NR1D2: variants seen among roughly 807,000 people sequenced by gnomAD.
NR1D2 encodes the protein nuclear receptor subfamily 1 group D member 2.
NR1D2 carries 25 observed loss-of-function variants against 52.2 expected under a neutral mutation model. The observed-to-expected ratio is 0.48, with a 90% CI of 0.35 to 0.67. The LOEUF is 0.67. Ranked by LOEUF, NR1D2 falls within the 30% of genes least tolerant of loss-of-function variation. NR1D2 has a pLI of 0.01. For missense variants in NR1D2, 681 were observed against 707.2 expected, an observed-to-expected ratio of 0.96 and a Z score of 0.42; for synonymous variants, 259 against 230.1, an observed-to-expected ratio of 1.13 and a Z score of -1.14.
intron 3 of NR1D2, among the ~76,000 whole-genome samples, chr3:23,956,483 T>G (rs1276242193): frequency 7.2e-5 from 11 of 152,222 alleles, no homozygotes; most frequent in Non-Finnish European, 5.9e-5. Context: ...TACTTCTGCC[T>G]TGTGGGAACT....
At chr3:23,952,548 A>T (rs1404741140) in intron 1 of NR1D2, among the ~76,000 whole-genome samples, 1 of 146,100 alleles carries the variant, frequency 6.8e-6, no homozygotes, top group Non-Finnish European at 1.5e-5. Context: ...TGTCTCTACT[A>T]AAAAAAAAAC....
intron 1 of NR1D2, among the ~76,000 whole-genome samples, chr3:23,954,251 A>G (rs923252579): frequency 1.1e-4 from 17 of 152,260 alleles, no homozygotes; most frequent in Admixed American, 7.2e-4. Context: ...TCAAGCGACA[A>G]TCCTCCCACC....
intron 1 of NR1D2, among the ~76,000 whole-genome samples, chr3:23,946,745 G>T (rs1008362235): frequency 6.6e-6 from 1 of 152,148 alleles, no homozygotes; most frequent in Non-Finnish European, 1.5e-5. Flanking sequence ...GACTTTTCCT[G>T]AATCTGATCA....
At chr3:23,960,947 C>G (rs574820807) in intron 4 of NR1D2, among the ~76,000 whole-genome samples, 1 of 152,134 alleles carries the variant, frequency 6.6e-6, no homozygotes. Flanking sequence ...TTTTCTTTCT[C>G]TCATGGATAG....
intron 4 of NR1D2, among the ~76,000 whole-genome samples, chr3:23,961,184 A>C (rs986345802): frequency 5.3e-5 from 8 of 152,058 alleles, no homozygotes; most frequent in African/African-American, 1.9e-4. Context: ...GCAAAGTTAC[A>C]AAAATGAATT....
Position 23,952,333 on chromosome 3 carries a change from A to G in NR1D2, c.17-2204A>G, listed in dbSNP as rs112070876. ...TCGAGTCCAGGCATAGGCTTCATGA[A>G]TAAAACAGTGGATGGAATTGTCTAC... On this transcript the variant is annotated intron_variant, in intron 1 of 7. Coordinates refer to ENST00000312521, the MANE Select transcript of NR1D2 (RefSeq NM_005126.5). 4.0e-3 allele frequency among the ~76,000 whole-genome samples: 615 copies of G among 152,346 alleles called. 4 individuals carry two copies. Among genetic ancestry groups the G allele is most frequent in the African/African-American group, 0.014 (586 of 41,568 alleles).
chr3:23,964,082 C>CT lies in NR1D2; in HGVS notation c.1147-882dup, dbSNP rs546330405. 1.7e-3 allele frequency among the ~76,000 whole-genome samples: 238 copies of CT among 139,700 alleles called. 1 individual carries two copies. The highest frequency in any genetic ancestry group is 0.016 in the South Asian group (70 of 4,350). 91.6% of individuals were successfully genotyped at this position (139,700 alleles called of 152,430 possible). A position where few individuals can be genotyped will look rare whatever the true frequency, so the allele number is the denominator to read the frequency against. The stretch of plus-strand genomic sequence containing the variant: ...AATAAATGGGCAGTGACTTTTTTTT[C>CT]TTTTTTTTTTTTTCGAGACGGAGTC... On this transcript the variant is annotated intron_variant, in intron 5 of 7. Coordinates refer to ENST00000312521, the MANE Select transcript of NR1D2 (RefSeq NM_005126.5).
At chr3:23,967,263 C>T (rs1706471831) in intron 6 of NR1D2, among the ~76,000 whole-genome samples, 1 of 151,886 alleles carries the variant, frequency 6.6e-6, no homozygotes, top group African/African-American at 2.4e-5. Flanking sequence ...GCAGAGGTTG[C>T]AGTGAGCTGA....
Position 23,954,788 on chromosome 3 carries a change from C to A in NR1D2, c.268C>A (p.His90Asn). Residue 90 changes from histidine (H) to asparagine (N), a missense_variant, in exon 2 of 8, where the codon CAT becomes AAT. Physicochemically the swap from His to Asn is moderately conservative, Grantham distance 68. Transcript: ENST00000312521. ...GAGTGCACCTGGGATGACAAAAAGT[C>A]ATAGTGGTGTGACAAGTAAGTTACT... ...KSSAPGMTKS[H>N]SGVTKFSGMV... 1.2e-6 allele frequency: 2 copies of A among 1,613,664 alleles called. No individual in the cohort carries two copies. The highest frequency in any genetic ancestry group is 1.1e-5 in the South Asian group (1 of 91,038).
chr3:23,955,035 G>T (rs1413396528), intron 2 of NR1D2, among the ~76,000 whole-genome samples: 2 of 152,224 alleles, frequency 1.3e-5, no homozygotes, highest in Admixed American at 6.5e-5. Context: ...TACTCTGCCT[G>T]ACCCTGGTCC....
chr3:23,961,888 C>A, intron 4 of NR1D2, 89 bp from the exon 5 acceptor site: 2 of 1,201,626 alleles, frequency 1.7e-6, no homozygotes, highest in Non-Finnish European at 2.3e-6. Flanking sequence ...TGACTAGAGG[C>A]CATAACTGTT....
At chr3:23,957,840 C>T (rs1308372287) in intron 3 of NR1D2, among the ~76,000 whole-genome samples, 1 of 152,126 alleles carries the variant, frequency 6.6e-6, no homozygotes, top group Non-Finnish European at 1.5e-5. Flanking sequence ...CACATCTGTG[C>T]AGTACTCTTA....
intron 6 of NR1D2, among the ~76,000 whole-genome samples, chr3:23,965,414 G>GTT (rs199916460): frequency 3.2e-4 from 42 of 132,912 alleles, no homozygotes; most frequent in South Asian, 7.3e-4. Flanking sequence ...AATTTTTTTT[G>GTT]TTTTTTTTTT....
intron 5 of NR1D2, 84 bp downstream of exon 5, chr3:23,962,689 G>T (rs756460893): frequency 3.0e-6 from 4 of 1,314,038 alleles, no homozygotes; most frequent in African/African-American, 1.5e-5. Context: ...TGCTAACTTG[G>T]GGGGATGGTG....
At chr3:23,957,234 C>T (rs866947292) in intron 3 of NR1D2, among the ~76,000 whole-genome samples, 13 of 151,730 alleles carry the variant, frequency 8.6e-5, no homozygotes, top group East Asian at 3.9e-4. Flanking sequence ...CTGCCCGCCT[C>T]GGCTTCGCAA....
intron 7 of NR1D2, among the ~76,000 whole-genome samples, chr3:23,971,928 T>TA (rs1706601361): frequency 6.6e-6 from 1 of 152,230 alleles, no homozygotes. Flanking sequence ...AAATAGTACT[T>TA]ACAGTGTTCA....
intron 7 of NR1D2, among the ~76,000 whole-genome samples, chr3:23,971,968 T>C (rs968584756): frequency 2.6e-5 from 4 of 152,224 alleles, no homozygotes; most frequent in African/African-American, 9.6e-5. Flanking sequence ...TAAAGAATAA[T>C]GGAAACCTCT....
intron 5 of NR1D2, chr3:23,963,598 C>T (rs1706356164): frequency 6.4e-6 from 1 of 157,398 alleles, no homozygotes; most frequent in South Asian, 2.0e-4. Flanking sequence ...TACAGGCATG[C>T]ATCACCATGC....
intron 4 of NR1D2, 47 bp downstream of exon 4, chr3:23,959,862 CT>C (rs1706190423): frequency 6.5e-7 from 1 of 1,545,270 alleles, no homozygotes; most frequent in South Asian, 1.3e-5. Flanking sequence ...TGGAGCTTGG[CT>C]TTTATTCCTC....
Sources: gnomAD v4.1 joint callset for allele counts (sites outside exome capture counted in the v4.1 genomes callset) on GRCh38, gnomAD v4.1.1 for gene constraint, MANE v1.5 for transcripts, NCBI Gene and HGNC (gene_info 2026-07-23, HGNC 2026-07-21) for gene names.